The following ZDHHC2 variants were observed in gnomAD, a reference collection of about 807,000 sequenced individuals.
ZDHHC2 encodes zDHHC palmitoyltransferase 2.
Under a neutral mutation model 55.6 loss-of-function variants are expected in ZDHHC2, and 51 were observed. That is an observed-to-expected ratio of 0.92 (90% CI 0.73 to 1.16). ZDHHC2 has a LOEUF of 1.16. Ranked by LOEUF, ZDHHC2 falls within the 50% of genes most tolerant of loss-of-function variation. The pLI is 0.00. For synonymous variants in ZDHHC2, 199 were observed against 152.9 expected (o/e 1.30, Z -2.22); for missense variants, 491 against 442.4 (o/e 1.11, Z -0.99).
intron 9 of ZDHHC2, 86 bp from the exon 10 acceptor site, chr8:17,210,302 T>C (rs1807312122): frequency 7.3e-7 from 1 of 1,363,888 alleles, no homozygotes; most frequent in Admixed American, 2.1e-5. Context: ...TATAGCATGT[T>C]CTGCTCTCGG....
intron 1 of ZDHHC2, among the ~76,000 whole-genome samples, chr8:17,177,047 C>G (rs1585665037): frequency 6.6e-6 from 1 of 152,104 alleles, no homozygotes; most frequent in Middle Eastern, 3.4e-3. Context: ...AAAAATGAAC[C>G]AGAGATTTTT....
intron 1 of ZDHHC2, among the ~76,000 whole-genome samples, chr8:17,166,132 T>C (rs1219200824): frequency 6.6e-6 from 1 of 152,196 alleles, no homozygotes; most frequent in African/African-American, 2.4e-5. Context: ...CCAGAGGTGA[T>C]GCACTGCGAC....
chr8:17,169,942 A>C (rs934003189), intron 1 of ZDHHC2, among the ~76,000 whole-genome samples: 8 of 152,154 alleles, frequency 5.3e-5, no homozygotes, highest in African/African-American at 1.9e-4. Context: ...CACTATTACA[A>C]TATGTTGTGT....
At chr8:17,188,350 A>G (rs1805833060) in intron 3 of ZDHHC2, among the ~76,000 whole-genome samples, 1 of 142,580 alleles carries the variant, frequency 7.0e-6, no homozygotes, top group Admixed American at 7.2e-5. Flanking sequence ...CACAGGGGAA[A>G]GCTCAGTCTC....
rs1465427129 is a variant in ZDHHC2, at chr8:17,156,788, C to A, written c.65C>A (p.Pro22Gln). 3 of 1,521,464 alleles carry A rather than the reference C, an allele frequency of 2.0e-6. No homozygotes were observed. The highest frequency in any genetic ancestry group is 2.6e-6 in the Non-Finnish European group (3 of 1,133,424). The allele number at this position is 1,521,464 out of a possible 1,614,324, so 94.2% of individuals were successfully genotyped here. Reference sequence around the variant, plus strand: ...TGCCGGCGGGTGCTGTACTGGATCCCGGTGGTGTTCATCACCCTCCTGCTC... The same window carrying A: ...TGCCGGCGGGTGCTGTACTGGATCCAGGTGGTGTTCATCACCCTCCTGCTC... ...RRCRRVLYWI[P>Q]VVFITLLLGW... Residue 22 changes from proline (P) to glutamine (Q), a missense_variant, in exon 1 of 13, where the codon CCG (proline) becomes CAG (glutamine). Physicochemically the swap from Pro to Gln is moderately conservative, Grantham distance 76 (BLOSUM62 -1). Coordinates refer to ENST00000262096, the MANE Select transcript of ZDHHC2 (RefSeq NM_016353.5).
At chr8:17,180,014 C>G (rs1487182289) in intron 1 of ZDHHC2, among the ~76,000 whole-genome samples, 1 of 152,102 alleles carries the variant, frequency 6.6e-6, no homozygotes, top group African/African-American at 2.4e-5. Context: ...TCACAGTGTT[C>G]CTATTGTGTG....
At chr8:17,174,115 G>A (rs1805005881) in intron 1 of ZDHHC2, among the ~76,000 whole-genome samples, 1 of 149,618 alleles carries the variant, frequency 6.7e-6, no homozygotes, top group Admixed American at 6.7e-5. Flanking sequence ...TTTTTAACAA[G>A]GTCTTGCTCT....
At chr8:17,191,414 C>CT (rs1311974047) in intron 3 of ZDHHC2, among the ~76,000 whole-genome samples, 3 of 152,198 alleles carry the variant, frequency 2.0e-5, no homozygotes, top group Non-Finnish European at 4.4e-5. Context: ...TTCTTTCTAA[C>CT]TTTTTTGGTT....
chr8:17,176,020 G>A (rs1805108752), intron 1 of ZDHHC2, among the ~76,000 whole-genome samples: 2 of 152,222 alleles, frequency 1.3e-5, no homozygotes, highest in Non-Finnish European at 2.9e-5. Flanking sequence ...GAGAGGAAGA[G>A]CCAGATCATG....
intron 1 of ZDHHC2, among the ~76,000 whole-genome samples, chr8:17,175,806 A>G (rs1357599318): frequency 6.6e-6 from 1 of 152,242 alleles, no homozygotes; most frequent in African/African-American, 2.4e-5. Context: ...ATGTATTGCC[A>G]TAGTGTCTGA....
chr8:17,168,309 T>C (rs1032189566), intron 1 of ZDHHC2, among the ~76,000 whole-genome samples: 56 of 152,356 alleles, frequency 3.7e-4, no homozygotes, highest in African/African-American at 1.3e-3. Context: ...AACAAAGCTT[T>C]GTTTTTCTCT....
At chr8:17,175,386 G>T (rs1304114058) in intron 1 of ZDHHC2, among the ~76,000 whole-genome samples, 2 of 152,128 alleles carry the variant, frequency 1.3e-5, no homozygotes, top group Non-Finnish European at 2.9e-5. Context: ...CGCTTAAAAG[G>T]CTTTCCAGCA....
chr8:17,205,506 T>C (rs1807055178), intron 6 of ZDHHC2, 149 bp from the exon 7 acceptor site: 3 of 865,174 alleles, frequency 3.5e-6, no homozygotes, highest in Non-Finnish European at 3.3e-6. Flanking sequence ...GATTTTTACA[T>C]GATTGTATGC....
At chr8:17,161,979 G>A (rs1240731032) in intron 1 of ZDHHC2, among the ~76,000 whole-genome samples, 1 of 152,126 alleles carries the variant, frequency 6.6e-6, no homozygotes, top group East Asian at 1.9e-4. Context: ...ATGTGAATAG[G>A]GTAATAAAAA....
chr8:17,194,259 T>G (rs1806191214), intron 3 of ZDHHC2, among the ~76,000 whole-genome samples: 1 of 151,704 alleles, frequency 6.6e-6, no homozygotes. Context: ...GTAGATTCTT[T>G]CACTGACATA....
chr8:17,218,213 G>C (rs1475427598), intron 12 of ZDHHC2, among the ~76,000 whole-genome samples: 1 of 152,130 alleles, frequency 6.6e-6, no homozygotes, highest in African/African-American at 2.4e-5. Context: ...GGTTAAAATA[G>C]TGAAAATTTC....
rs1807965902 is a variant in ZDHHC2 at position 17,222,518 on chromosome 8, G to A, written c.*2297G>A. The A allele has an allele frequency of 6.6e-6, 1 of 151,630 alleles. No homozygotes were observed. Among genetic ancestry groups the A allele is most frequent in the Admixed American group, 6.6e-5 (1 of 15,192 alleles). 9.4% of individuals were successfully genotyped at this position (151,630 alleles called of 1,614,324 possible). A position where few individuals can be genotyped will look rare whatever the true frequency, so the allele number is the denominator to read the frequency against. On this transcript the variant is annotated 3_prime_UTR_variant, in exon 13 of 13. Coordinates refer to ENST00000262096, the MANE Select transcript of ZDHHC2 (RefSeq NM_016353.5). ...AATTTTGATTTTTCTTGCTTTTATA[G>A]ATTTTACTATATAGGAATCAAGATT... is the stretch of plus-strand genomic sequence containing the variant.
Position 17,224,228 on chromosome 8 carries a change from G to A in ZDHHC2, c.*4007G>A, listed in dbSNP as rs1164718879. 6.6e-6 allele frequency: 1 copy of A among 151,638 alleles called. No individual in the cohort carries two copies. The highest frequency in any genetic ancestry group is 2.4e-5 in the African/African-American group (1 of 41,368). The allele number at this position is 151,638 out of a possible 1,614,324, so 9.4% of individuals were successfully genotyped here. A position where few individuals can be genotyped will look rare whatever the true frequency, so the allele number is the denominator to read the frequency against. ...CATTTGCAGACCTTTCTTGTTGCAG[G>A]AAAGTGAGGGCAAAAACAAACTGGT... On this transcript the variant is annotated 3_prime_UTR_variant, in exon 13 of 13. Transcript: ENST00000262096.
chr8:17,185,179 A>G (rs1805647680), intron 2 of ZDHHC2, among the ~76,000 whole-genome samples: 1 of 152,232 alleles, frequency 6.6e-6, no homozygotes, highest in Non-Finnish European at 1.5e-5. Flanking sequence ...GAATAATTCA[A>G]ATTTTTAATG....
Sources: gnomAD v4.1 joint callset for allele counts (sites outside exome capture counted in the v4.1 genomes callset) on GRCh38, gnomAD v4.1.1 for gene constraint, MANE v1.5 for transcripts, NCBI Gene and HGNC (gene_info 2026-07-23, HGNC 2026-07-21) for gene names.